Variants in PLEKHG1 observed in about 807,000 individuals in gnomAD.
PLEKHG1 encodes pleckstrin homology and RhoGEF domain containing G1, also known as pleckstrin homology domain-containing family G member 1.
In PLEKHG1, 44 loss-of-function variants were observed where a neutral mutation model predicts 100.8. The observed-to-expected ratio is 0.44, with a 90% CI of 0.34 to 0.56. The LOEUF is 0.56. PLEKHG1 is among the 20% of genes least tolerant of loss of function. The pLI is 0.01. For missense variants in PLEKHG1, 1,545 were observed against 1,720.9 expected (o/e 0.90, Z 1.81); for synonymous variants, 640 against 662.5 (o/e 0.97, Z 0.52).
At chr6:150,830,115 C>T (rs111655503) in intron 14 of PLEKHG1, among the ~76,000 whole-genome samples, 3 of 152,254 alleles carry the variant, frequency 2.0e-5, no homozygotes, top group African/African-American at 7.2e-5. Flanking sequence ...TGGGTTCTAG[C>T]AGTAGTCTTA....
At chr6:150,670,819 AC>A (rs1184091142) in intron 3 of PLEKHG1, among the ~76,000 whole-genome samples, 3 of 151,942 alleles carry the variant, frequency 2.0e-5, no homozygotes, top group African/African-American at 7.3e-5. Context: ...CTTTAGTGGT[AC>A]CCATCACCCA....
intron 3 of PLEKHG1, among the ~76,000 whole-genome samples, chr6:150,675,067 T>G (rs913967395): frequency 1.3e-5 from 2 of 152,142 alleles, no homozygotes; most frequent in Non-Finnish European, 2.9e-5. Context: ...AAAACTTTGG[T>G]ATGGATTTAT....
intron 4 of PLEKHG1, among the ~76,000 whole-genome samples, chr6:150,795,377 C>A: frequency 6.9e-6 from 1 of 144,808 alleles, no homozygotes. Flanking sequence ...GCCTAGGCGA[C>A]AGAGCGAGAT....
intron 3 of PLEKHG1, among the ~76,000 whole-genome samples, chr6:150,776,093 C>T (rs942795267): frequency 4.6e-5 from 7 of 152,234 alleles, no homozygotes; most frequent in African/African-American, 1.4e-4. Flanking sequence ...CCTCAAAGTT[C>T]GCATCAGGGG....
chr6:150,830,864 C>T, exon 15 of PLEKHG1: 1 of 1,614,162 alleles, frequency 6.2e-7, no homozygotes, highest in Non-Finnish European at 8.5e-7. Flanking sequence ...TTCTAGTCGC[C>T]CTTGCAGCTG....
At chr6:150,828,320 T>G in intron 14 of PLEKHG1, 1 of 1,611,804 alleles carries the variant, frequency 6.2e-7, no homozygotes, top group South Asian at 1.1e-5. Flanking sequence ...ATTGAAGACG[T>G]GTTGCTCTCC....
intron 1 of PLEKHG1, among the ~76,000 whole-genome samples, chr6:150,630,345 A>T (rs1233477534): frequency 1.3e-5 from 2 of 152,188 alleles, no homozygotes; most frequent in Non-Finnish European, 2.9e-5. Context: ...AGGTGACTGT[A>T]CCAGTCCAGC....
At chr6:150,693,845 G>T (rs1407846405) in intron 3 of PLEKHG1, among the ~76,000 whole-genome samples, 1 of 152,230 alleles carries the variant, frequency 6.6e-6, no homozygotes, top group Non-Finnish European at 1.5e-5. Context: ...CAGGTCAGGA[G>T]GCAGGGACCT....
chr6:150,742,078 T>G (rs1782887487), intron 2 of PLEKHG1, among the ~76,000 whole-genome samples: 1 of 152,188 alleles, frequency 6.6e-6, no homozygotes, highest in Non-Finnish European at 1.5e-5. Flanking sequence ...TAAGCCACAG[T>G]AACTATATTA....
intron 2 of PLEKHG1, among the ~76,000 whole-genome samples, chr6:150,641,496 A>G (rs1778255380): frequency 6.6e-6 from 1 of 152,232 alleles, no homozygotes; most frequent in African/African-American, 2.4e-5. Context: ...CGGATTGAAA[A>G]TGGCAAGGTG....
intron 6 of PLEKHG1, among the ~76,000 whole-genome samples, chr6:150,803,765 A>G (rs934002197): frequency 6.6e-6 from 1 of 152,178 alleles, no homozygotes; most frequent in Non-Finnish European, 1.5e-5. Flanking sequence ...AATTTTGTAA[A>G]GATAGTTTTC....
chr6:150,676,160 A>G (rs1242628579), intron 3 of PLEKHG1, among the ~76,000 whole-genome samples: 1 of 152,250 alleles, frequency 6.6e-6, no homozygotes, highest in Non-Finnish European at 1.5e-5. Context: ...AAAACCTTTT[A>G]GAACTAGAAC....
intron 3 of PLEKHG1, among the ~76,000 whole-genome samples, chr6:150,657,159 G>A (rs1354960133): frequency 6.6e-6 from 1 of 151,990 alleles, no homozygotes; most frequent in East Asian, 1.9e-4. Flanking sequence ...GACTCCTTAG[G>A]CAACACGTGG....
At position 150,827,941 on chromosome 6, in the gene PLEKHG1, A is replaced by C. The variant is rs803413; in HGVS notation, c.1471-2641A>C. 4 of 1,607,560 alleles carry C rather than the reference A, an allele frequency of 2.5e-6. No homozygotes were observed. The Admixed American group carries it at 6.7e-5, about 27-fold the overall frequency. ...ACTAAACTGAAGAATAAATCTGGAA[A>C]AGTTTTGGAGATCTCAGGGAAGGAT... On this transcript the variant is annotated intron_variant, in intron 14 of 15. Coordinates refer to ENST00000358517, the Ensembl canonical transcript of PLEKHG1.
Position 150,818,220 on chromosome 6 carries a change from A to C in PLEKHG1, c.1312+4A>C, listed in dbSNP as rs766996561. On this transcript the variant is annotated splice_donor_region_variant and intron_variant, in intron 11 of 15. Transcript: ENST00000358517. ...ATCCTTGAAATGGATGCCATTCGTA[A>C]GTTTTATTTCCTTAAAACAATTTGA... is the stretch of plus-strand genomic sequence containing the variant. 1.9e-5 allele frequency: 30 copies of C among 1,592,988 alleles called. No homozygotes were observed. The highest frequency in any genetic ancestry group is 2.6e-5 in the Non-Finnish European group (30 of 1,161,360).
chr6:150,827,514 G>A, intron 14 of PLEKHG1: 1 of 516,920 alleles, frequency 1.9e-6, no homozygotes, highest in East Asian at 3.7e-5. Flanking sequence ...GACCTCAGGT[G>A]ATTCGCCCGC....
chr6:150,610,549 T>A (rs1776782893), intron 1 of PLEKHG1, among the ~76,000 whole-genome samples: 1 of 152,122 alleles, frequency 6.6e-6, no homozygotes, highest in South Asian at 2.1e-4. Context: ...ATTTAAGTTT[T>A]AAAAAATCAC....
At chr6:150,658,357 G>A (rs117378325) in intron 3 of PLEKHG1, among the ~76,000 whole-genome samples, 1 of 152,146 alleles carries the variant, frequency 6.6e-6, no homozygotes, top group African/African-American at 2.4e-5. Context: ...ATTAAGGCGA[G>A]TATTTTCTTT....
chr6:150,808,857 C>A (rs1583172432), intron 7 of PLEKHG1, among the ~76,000 whole-genome samples: 1 of 152,192 alleles, frequency 6.6e-6, no homozygotes, highest in East Asian at 1.9e-4. Context: ...CACAGCATGG[C>A]ATGATTAAGG....
Sources: gnomAD v4.1 joint callset for allele counts (sites outside exome capture counted in the v4.1 genomes callset) on GRCh38, gnomAD v4.1.1 for gene constraint, MANE v1.5 for transcripts, NCBI Gene and HGNC (gene_info 2026-07-23, HGNC 2026-07-21) for gene names.